COL27A1: variants seen among roughly 807,000 people sequenced by gnomAD.
COL27A1 encodes collagen type XXVII alpha 1 chain.
Under a neutral mutation model 251.3 loss-of-function variants are expected in COL27A1, and 106 were observed. The ratio of observed to expected loss-of-function variants is 0.42; its 90% CI spans 0.36 to 0.50. COL27A1 has a LOEUF of 0.50. Ranked by LOEUF, COL27A1 falls within the 20% of genes least tolerant of loss-of-function variation. COL27A1 has a pLI of 0.00. For synonymous variants in COL27A1, 1,000 were observed against 986.3 expected, an observed-to-expected ratio of 1.01 and a Z score of -0.26; for missense variants, 2,325 against 2,522.8, an observed-to-expected ratio of 0.92 and a Z score of 1.68.
At position 114,196,515 on chromosome 9, in the gene COL27A1, A is replaced by T. The variant is rs147402102; in HGVS notation, c.2124+503A>T. On this transcript the variant is annotated intron_variant, in intron 7 of 60. Coordinates refer to ENST00000356083, the MANE Select transcript of COL27A1 (RefSeq NM_032888.4). ...TGGAGCGGAGAAGTTGAGGGAGTGGACCCTGGGGTCAGTTGGACCTGGGTC... is the reference window on the plus strand; with the variant it reads ...TGGAGCGGAGAAGTTGAGGGAGTGGTCCCTGGGGTCAGTTGGACCTGGGTC... Among the ~76,000 whole-genome samples, 716 of 152,140 alleles carry T rather than the reference A, an allele frequency of 4.7e-3. 6 individuals are homozygous for T. Among genetic ancestry groups the T allele is most frequent in the African/African-American group, 0.016 (682 of 41,506 alleles).
At chr9:114,230,156 T>A (rs375765389) in intron 14 of COL27A1, among the ~76,000 whole-genome samples, 46 of 151,750 alleles carry the variant, frequency 3.0e-4, no homozygotes, top group African/African-American at 1.1e-3. Flanking sequence ...CAGAGGAGAG[T>A]GGGATCCAGT....
At chr9:114,309,229 T>C in intron 59 of COL27A1, 31 bp from the exon 60 acceptor site, 1 of 1,602,258 alleles carries the variant, frequency 6.2e-7, no homozygotes, top group Non-Finnish European at 8.6e-7. Flanking sequence ...GGGGGCAGCC[T>C]GAGCCGCTCA....
In COL27A1 at chr9:114,252,632, C is replaced by T. The variant is rs200426805; in HGVS notation, c.3073C>T (p.Pro1025Ser). The change falls in exon 26 of 61, where the codon CCC becomes TCC. Residue 1025 changes from proline to serine, a missense_variant. Physicochemically the swap from Pro to Ser is moderately conservative, Grantham distance 74. Coordinates refer to ENST00000356083, the MANE Select transcript of COL27A1 (RefSeq NM_032888.4). Reference sequence around the variant, plus strand: ...GATGGGACCCCCAGGCGTGCCTGGACCCAAGGGGTCGATGGTAAGGAGTAA... The same window carrying T: ...GATGGGACCCCCAGGCGTGCCTGGATCCAAGGGGTCGATGGTAAGGAGTAA... ...GMMGPPGVPG[P>S]KGSMGHPGMP... The T allele has an allele frequency of 6.2e-7, 1 of 1,613,808 alleles. No individual in the cohort carries two copies. The highest frequency in any genetic ancestry group is 8.5e-7 in the Non-Finnish European group (1 of 1,179,888).
At chr9:114,299,819 G>C (rs1355384256) in intron 49 of COL27A1, among the ~76,000 whole-genome samples, 1 of 152,232 alleles carries the variant, frequency 6.6e-6, no homozygotes, top group Non-Finnish European at 1.5e-5. Flanking sequence ...GTGTGGCAGA[G>C]CCTCCTCTGT....
intron 12 of COL27A1, among the ~76,000 whole-genome samples, chr9:114,217,443 C>T (rs1830782435): frequency 6.6e-6 from 1 of 152,152 alleles, no homozygotes; most frequent in Admixed American, 6.5e-5. Flanking sequence ...CCTGGAATGG[C>T]CTCTGAATGC....
intron 10 of COL27A1, among the ~76,000 whole-genome samples, chr9:114,208,776 G>A (rs78066481): frequency 1.3e-5 from 2 of 152,092 alleles, no homozygotes; most frequent in African/African-American, 4.8e-5. Context: ...CACTGGGGAT[G>A]GGGGGGAGAG....
chr9:114,196,335 C>A (rs776876560), intron 7 of COL27A1, among the ~76,000 whole-genome samples: 3 of 152,228 alleles, frequency 2.0e-5, no homozygotes, highest in Non-Finnish European at 4.4e-5. Context: ...GATGGAGTAA[C>A]CTGTGCTGGC....
chr9:114,258,672 G>A, intron 28 of COL27A1, 78 bp downstream of exon 28: 1 of 1,460,964 alleles, frequency 6.8e-7, no homozygotes, highest in Non-Finnish European at 9.5e-7. Flanking sequence ...GCCAGAGACT[G>A]CCTGGGCTTT....
At chr9:114,254,062 G>A (rs964947216) in intron 27 of COL27A1, among the ~76,000 whole-genome samples, 81 of 152,126 alleles carry the variant, frequency 5.3e-4, no homozygotes, top group African/African-American at 1.9e-3. Flanking sequence ...AGGAGCTGGG[G>A]ATGTGGCAGC....
At chr9:114,255,342 G>T (rs1178891930) in intron 27 of COL27A1, among the ~76,000 whole-genome samples, 3 of 137,636 alleles carry the variant, frequency 2.2e-5, no homozygotes, top group Non-Finnish European at 4.4e-5. Flanking sequence ...CCCTCAGCAT[G>T]GGGGGTGCCC....
At chr9:114,239,629 C>T (rs971495209) in intron 19 of COL27A1, among the ~76,000 whole-genome samples, 26 of 152,124 alleles carry the variant, frequency 1.7e-4, no homozygotes, top group Non-Finnish European at 3.7e-4. Flanking sequence ...TGGGAAGAAC[C>T]TTCTATTGTA....
rs1177090591 is a variant in COL27A1, at chr9:114,312,103, GTTATT to G, written c.*1412_*1416del. On this transcript the variant is annotated 3_prime_UTR_variant, in exon 61 of 61. Transcript: ENST00000356083. ...GTCGGCGCTTGAATTGGATTTTGAG[GTTATT>G]TTAACCATGGAATTATTTTTATAGA... is the stretch of plus-strand genomic sequence containing the variant. 1.3e-5 allele frequency: 2 copies of G among 152,122 alleles called. No individual in the cohort carries two copies. Among genetic ancestry groups the G allele is most frequent in the South Asian group, 2.1e-4 (1 of 4,824 alleles). 9.4% of individuals were successfully genotyped at this position (152,122 alleles called of 1,614,324 possible). A position where few individuals can be genotyped will look rare whatever the true frequency, so the allele number is the denominator to read the frequency against.
intron 12 of COL27A1, among the ~76,000 whole-genome samples, chr9:114,216,436 G>A (rs1430589162): frequency 6.6e-6 from 1 of 152,326 alleles, no homozygotes. Context: ...TTGAAGTGGG[G>A]GCTATACATT....
At chr9:114,288,147 A>T (rs1379787782) in intron 41 of COL27A1, among the ~76,000 whole-genome samples, 1 of 152,098 alleles carries the variant, frequency 6.6e-6, no homozygotes, top group African/African-American at 2.4e-5. Flanking sequence ...GAAGTGTTGC[A>T]GGCCACACGG....
At chr9:114,181,549 G>T (rs1827916090) in intron 4 of COL27A1, among the ~76,000 whole-genome samples, 2 of 152,216 alleles carry the variant, frequency 1.3e-5, no homozygotes, top group Admixed American at 6.5e-5. Context: ...CCTAGAGGCT[G>T]GTGGGGTTGG....
intron 3 of COL27A1, among the ~76,000 whole-genome samples, chr9:114,175,284 T>C (rs1321861857): frequency 6.6e-6 from 1 of 152,218 alleles, no homozygotes; most frequent in Non-Finnish European, 1.5e-5. Context: ...GCCCCGTTGT[T>C]TGCAACGCAA....
In COL27A1 at chr9:114,306,539, G is replaced by A. The variant is rs751681660; in HGVS notation, c.4958G>A (p.Arg1653Gln). 7.4e-6 allele frequency: 12 copies of A among 1,614,020 alleles called. No homozygotes were observed. Among genetic ancestry groups the A allele is most frequent in the South Asian group, 3.3e-5 (3 of 91,070 alleles). Residue 1653 changes from arginine to glutamine, a missense_variant, in exon 58 of 61, where the codon CGG (arginine) becomes CAG (glutamine). Physicochemically the swap from Arg to Gln is conservative, Grantham distance 43 (BLOSUM62 1). Transcript: ENST00000356083. The part of the protein sequence containing the change: ...LRPESYSYPD[R>Q]LVLDQGGEIF... ...TGACAGAGTTACAGCTATCCAGACCGGCTGGTGCTGGACCAGGGAGGAGAG... is the reference window on the plus strand; with the variant it reads ...TGACAGAGTTACAGCTATCCAGACCAGCTGGTGCTGGACCAGGGAGGAGAG...
intron 41 of COL27A1, among the ~76,000 whole-genome samples, chr9:114,286,619 A>G (rs998206077): frequency 1.3e-5 from 2 of 152,204 alleles, no homozygotes; most frequent in Non-Finnish European, 2.9e-5. Flanking sequence ...TTCTGGTGCT[A>G]AAAAATGATA....
intron 5 of COL27A1, 120 bp from the exon 6 acceptor site, chr9:114,194,284 G>A: frequency 3.3e-6 from 3 of 913,402 alleles, no homozygotes; most frequent in South Asian, 1.3e-5. Flanking sequence ...AGGTGTGTGA[G>A]TGGGAGGATG....
Sources: gnomAD v4.1 joint callset for allele counts (sites outside exome capture counted in the v4.1 genomes callset) on GRCh38, gnomAD v4.1.1 for gene constraint, MANE v1.5 for transcripts, NCBI Gene and HGNC (gene_info 2026-07-23, HGNC 2026-07-21) for gene names.